Variants in TIAM1 observed in about 807,000 individuals in gnomAD.
The protein encoded by TIAM1 is rho guanine nucleotide exchange factor TIAM1.
Under a neutral mutation model 163.5 loss-of-function variants are expected in TIAM1, and 65 were observed. The observed-to-expected ratio is 0.40, with a 90% CI of 0.33 to 0.49. The LOEUF is 0.49. Among genes scored for constraint, TIAM1 ranks in the 20% least tolerant of loss-of-function variants. The probability of loss-of-function intolerance (pLI) is 0.77; values close to 1 mark genes in which losing one functional copy is unlikely to be tolerated. For synonymous variants in TIAM1, 833 were observed against 810.1 expected (o/e 1.03, Z -0.48); for missense variants, 1,789 against 2,044.7 (o/e 0.87, Z 2.41).
intron 2 of TIAM1, among the ~76,000 whole-genome samples, chr21:31,457,995 C>G (rs1278103872): frequency 6.6e-6 from 1 of 152,188 alleles, no homozygotes; most frequent in Non-Finnish European, 1.5e-5. Context: ...ATAGGCAAGT[C>G]CCCTTGTTAC....
intron 2 of TIAM1, among the ~76,000 whole-genome samples, chr21:31,306,226 G>T (rs111338258): frequency 1.1e-3 from 162 of 152,158 alleles, no homozygotes; most frequent in African/African-American, 3.4e-3. Flanking sequence ...TGAGGCTGTG[G>T]TGAGTTCTGA....
chr21:31,288,177 T>C (rs570755279), intron 2 of TIAM1, among the ~76,000 whole-genome samples: 1 of 152,200 alleles, frequency 6.6e-6, no homozygotes, highest in East Asian at 1.9e-4. Flanking sequence ...AAATTTGGTG[T>C]CCATTCCACA....
chr21:31,541,601 G>A (rs1473311120), intron 1 of TIAM1, among the ~76,000 whole-genome samples: 1 of 152,174 alleles, frequency 6.6e-6, no homozygotes, highest in Non-Finnish European at 1.5e-5. Context: ...TTATAAATGA[G>A]AAATATGAGG....
At chr21:31,309,745 C>A (rs2074852343) in intron 2 of TIAM1, among the ~76,000 whole-genome samples, 1 of 152,142 alleles carries the variant, frequency 6.6e-6, no homozygotes, top group South Asian at 2.1e-4. Context: ...CAGCATAGAT[C>A]CCTATAAGAA....
intron 1 of TIAM1, among the ~76,000 whole-genome samples, chr21:31,504,423 G>A (rs1007329916): frequency 6.6e-5 from 10 of 152,180 alleles, no homozygotes; most frequent in Non-Finnish European, 1.3e-4. Context: ...CAACAAGTTC[G>A]CTACCTGGCA....
intron 2 of TIAM1, among the ~76,000 whole-genome samples, chr21:31,412,443 G>A (rs1283998869): frequency 3.3e-5 from 5 of 151,952 alleles, no homozygotes; most frequent in Admixed American, 2.6e-4. Flanking sequence ...GGATGGTTTC[G>A]GGATGAAACT....
At chr21:31,226,952 G>GTTT (rs35401090) in intron 6 of TIAM1, among the ~76,000 whole-genome samples, 133 of 112,560 alleles carry the variant, frequency 1.2e-3, no homozygotes, top group Non-Finnish European at 1.7e-3. Flanking sequence ...AAAATTCTGT[G>GTTT]TTTTTTTTTT....
intron 2 of TIAM1, chr21:31,452,613 A>G: frequency 1.9e-6 from 1 of 537,210 alleles, no homozygotes; most frequent in Non-Finnish European, 3.5e-6. Flanking sequence ...ATGTGCACCA[A>G]ATTATAAAAG....
chr21:31,201,162 A>G (rs983458855), intron 12 of TIAM1, among the ~76,000 whole-genome samples: 3 of 152,212 alleles, frequency 2.0e-5, no homozygotes, highest in Non-Finnish European at 4.4e-5. Context: ...ATTAACCCCA[A>G]GATGCAAAAT....
chr21:31,308,975 G>A (rs2074821885), intron 2 of TIAM1, among the ~76,000 whole-genome samples: 1 of 151,980 alleles, frequency 6.6e-6, no homozygotes, highest in South Asian at 2.1e-4. Context: ...ACTATAGGAA[G>A]CAAATGCAAT....
rs1321619285 is a variant in TIAM1 at position 31,243,924 on chromosome 21, A to G, written c.1584+1564T>C. Among the ~76,000 whole-genome samples the G allele has an allele frequency of 2.0e-5, 3 of 152,358 alleles. No homozygotes were observed. In the East Asian group the frequency reaches 5.8e-4, roughly 29 times the overall value. ...GAAATTAAGTCATTCCCAGATAAATAAAAGTGTCCTGGCTTGGATGATAAA... is the reference window on the plus strand; with the variant it reads ...GAAATTAAGTCATTCCCAGATAAATGAAAGTGTCCTGGCTTGGATGATAAA... On this transcript the variant is annotated intron_variant, in intron 6 of 27. Transcript: ENST00000541036.
chr21:31,409,537 C>CG (rs1442873706), intron 2 of TIAM1, among the ~76,000 whole-genome samples: 1 of 152,160 alleles, frequency 6.6e-6, no homozygotes, highest in Non-Finnish European at 1.5e-5. Context: ...CTCCGCACAC[C>CG]GACTTCCTGC....
intron 2 of TIAM1, among the ~76,000 whole-genome samples, chr21:31,278,716 G>T (rs918143299): frequency 2.0e-5 from 3 of 152,158 alleles, no homozygotes; most frequent in African/African-American, 7.2e-5. Context: ...ACTCATGCTT[G>T]CAGGGAAAGG....
chr21:31,550,689 CTT>C (rs1305443021), intron 1 of TIAM1, among the ~76,000 whole-genome samples: 2 of 152,138 alleles, frequency 1.3e-5, no homozygotes, highest in Admixed American at 6.5e-5. Context: ...ACCTAGAAGA[CTT>C]AATCATGATT....
intron 2 of TIAM1, among the ~76,000 whole-genome samples, chr21:31,382,679 T>A (rs2076798145): frequency 6.6e-6 from 1 of 152,182 alleles, no homozygotes; most frequent in Admixed American, 6.5e-5. Context: ...TAAAACAGAT[T>A]TTTTTAACAT....
intron 1 of TIAM1, among the ~76,000 whole-genome samples, chr21:31,475,868 T>C (rs1002382067): frequency 5.3e-5 from 8 of 152,222 alleles, no homozygotes; most frequent in African/African-American, 1.4e-4. Flanking sequence ...CATGAGGTGA[T>C]GTCCGAATCA....
chr21:31,383,469 C>G (rs1048336022), intron 2 of TIAM1, among the ~76,000 whole-genome samples: 21 of 152,130 alleles, frequency 1.4e-4, no homozygotes, highest in Non-Finnish European at 2.9e-5. Context: ...AGGATGAGTC[C>G]TTTCCCAGGC....
chr21:31,278,562 G>T (rs1000963228), intron 2 of TIAM1, among the ~76,000 whole-genome samples: 1 of 152,138 alleles, frequency 6.6e-6, no homozygotes, highest in Non-Finnish European at 1.5e-5. Context: ...CTTTGAGCAG[G>T]AATATGAAGA....
intron 2 of TIAM1, among the ~76,000 whole-genome samples, chr21:31,324,251 T>C (rs1238931865): frequency 6.6e-6 from 1 of 151,748 alleles, no homozygotes; most frequent in Non-Finnish European, 1.5e-5. Context: ...TGTGGGTGGA[T>C]ACTGTAAAGG....
Sources: gnomAD v4.1 joint callset for allele counts (sites outside exome capture counted in the v4.1 genomes callset) on GRCh38, gnomAD v4.1.1 for gene constraint, MANE v1.5 for transcripts, NCBI Gene and HGNC (gene_info 2026-07-23, HGNC 2026-07-21) for gene names.